Variants in TCEANC2 observed in about 807,000 individuals in gnomAD.
TCEANC2 encodes the protein transcription elongation factor A N-terminal and central domain-containing protein 2.
Under a neutral mutation model 22.8 loss-of-function variants are expected in TCEANC2, and 20 were observed. The ratio of observed to expected loss-of-function variants is 0.88; its 90% confidence interval spans 0.62 to 1.28. The LOEUF is 1.28. Ranked by LOEUF, TCEANC2 falls within the 50% of genes most tolerant of loss-of-function variation. The pLI is 0.00. For synonymous variants in TCEANC2, 84 were observed against 95.5 expected (o/e 0.88, Z 0.70); for missense variants, 251 against 249.7 (o/e 1.01, Z -0.03).
At chr1:54,088,547 CAGA>C (rs757033007) in intron 3 of TCEANC2, 47 bp from the exon 4 acceptor site, 7 of 1,497,396 alleles carry the variant, frequency 4.7e-6, no homozygotes, top group South Asian at 2.5e-5. Context: ...CTGCGCTTCT[CAGA>C]AGAAGATGTA....
chr1:54,088,567 T>C (rs1422017661), intron 3 of TCEANC2, 30 bp from the exon 4 acceptor site: 1 of 1,569,534 alleles, frequency 6.4e-7, no homozygotes, highest in Non-Finnish European at 8.6e-7. Context: ...TGTAACAACC[T>C]TTCCTTTGGT....
chr1:54,067,624 G>C (rs1285557978), intron 2 of TCEANC2, among the ~76,000 whole-genome samples: 3 of 152,206 alleles, frequency 2.0e-5, no homozygotes, highest in African/African-American at 7.2e-5. Flanking sequence ...GGATTGGAGA[G>C]GAAGAGAAGC....
exon 5 of TCEANC2, chr1:54,112,512 T>G (rs1364191672): frequency 6.6e-6 from 1 of 152,196 alleles, no homozygotes; most frequent in Admixed American, 6.5e-5. Flanking sequence ...AATAAAGGAA[T>G]TCTGCATATG....
chr1:54,082,973 G>A (rs541104152), intron 3 of TCEANC2, among the ~76,000 whole-genome samples: 2 of 152,326 alleles, frequency 1.3e-5, no homozygotes, highest in South Asian at 4.1e-4. Context: ...GAGAAGTGAT[G>A]AGAACCTGAA....
At chr1:54,076,870 G>A (rs1385015030) in intron 3 of TCEANC2, among the ~76,000 whole-genome samples, 3 of 152,156 alleles carry the variant, frequency 2.0e-5, no homozygotes, top group African/African-American at 7.2e-5. Context: ...TAAACAAATT[G>A]TGTAGTTATG....
At position 54,088,611 on chromosome 1, in the gene TCEANC2, A is replaced by G; in HGVS notation, c.259A>G (p.Lys87Glu). The G allele has an allele frequency of 6.2e-7, 1 of 1,601,928 alleles. No homozygotes were observed. Among genetic ancestry groups the G allele is most frequent in the Non-Finnish European group, 8.5e-7 (1 of 1,176,636 alleles). The change falls in exon 4 of 5, where the codon AAG becomes GAG. Residue 87 changes from lysine (K) to glutamate (E), a missense_variant. Coordinates refer to ENST00000234827, the MANE Select transcript of TCEANC2 (RefSeq NM_153035.3). ...TCCTGTTCCAGGTCACACTGTGAAC[A>G]AGATGCGTAAACACTCAGATTCAGA... is the stretch of plus-strand genomic sequence containing the variant. Reference protein sequence around the residue: ...KSTRIGHTVNKMRKHSDSEVA... With the variant: ...KSTRIGHTVNEMRKHSDSEVA...
At position 54,061,320 on chromosome 1, in the gene TCEANC2, C is replaced by T. The variant is rs182763973; in HGVS notation, c.102+6796C>T. 5.7e-3 allele frequency among the ~76,000 whole-genome samples: 872 copies of T among 152,290 alleles called. 7 individuals carry two copies. The highest frequency in any genetic ancestry group is 0.026 in the Admixed American group (393 of 15,298). Reference sequence around the variant, plus strand: ...AGTAACATCAGAAATAACAGTACCCCATCTGCATGATTATTATGAGAGTGA... The same window carrying T: ...AGTAACATCAGAAATAACAGTACCCTATCTGCATGATTATTATGAGAGTGA... On this transcript the variant is annotated intron_variant, in intron 2 of 4. Transcript: ENST00000234827.
chr1:54,096,411 C>A lies in TCEANC2; in HGVS notation c.565C>A (p.Arg189=), dbSNP rs777682264. ...VFTLKHRAEI[R]AQVKSGSLPV... Reference sequence around the variant, plus strand: ...CACATTAAAGCACCGAGCTGAAATCCGGGCTCAGGTGAAGAGCGGCTCGCT... The same window carrying A: ...CACATTAAAGCACCGAGCTGAAATCAGGGCTCAGGTGAAGAGCGGCTCGCT... Residue 189 remains arginine (R), a synonymous_variant, in exon 5 of 5, where the codon CGG becomes AGG. Transcript: ENST00000234827. The surrounding 1 kb of genome is among the most constrained non-coding windows in gnomAD (Gnocchi z 4.9). 6.2e-7 allele frequency: 1 copy of A among 1,613,504 alleles called. No homozygotes were observed. Among genetic ancestry groups the A allele is most frequent in the South Asian group, 1.1e-5 (1 of 91,076 alleles).
At chr1:54,106,487 G>A (rs1658756185), downstream of TCEANC2, among the ~76,000 whole-genome samples, 1 of 152,074 alleles carries the variant, frequency 6.6e-6, no homozygotes, top group South Asian at 2.1e-4. Flanking sequence ...AAATTACTGA[G>A]ACATTTTACA....
intron 3 of TCEANC2, among the ~76,000 whole-genome samples, chr1:54,082,822 C>G (rs1658270699): frequency 6.6e-6 from 1 of 152,090 alleles, no homozygotes. Flanking sequence ...CATGGAGAAC[C>G]ATCGGAGGAT....
intron 2 of TCEANC2, among the ~76,000 whole-genome samples, chr1:54,061,726 T>C (rs1241382133): frequency 6.6e-6 from 1 of 151,860 alleles, no homozygotes; most frequent in African/African-American, 2.4e-5. Context: ...GTTCATAGTC[T>C]GTCCCCTATA....
rs559100109 is a variant in TCEANC2, at chr1:54,103,958, G to A, written c.*7485G>A. On this transcript the variant is annotated 3_prime_UTR_variant, in exon 5 of 5. Coordinates refer to ENST00000234827, the MANE Select transcript of TCEANC2 (RefSeq NM_153035.3). ...TCCCATATGATTCCACAGCAAAGGA[G>A]GTGCAGCAGTGGGCACATGGTGACA... 6.6e-6 allele frequency: 1 copy of A among 152,312 alleles called. No homozygotes were observed. The highest frequency in any genetic ancestry group is 2.1e-4 in the South Asian group (1 of 4,824). 9.4% of individuals were successfully genotyped at this position (152,312 alleles called of 1,614,324 possible).
chr1:54,060,671 G>A (rs1452320137), intron 2 of TCEANC2, among the ~76,000 whole-genome samples: 1 of 152,074 alleles, frequency 6.6e-6, no homozygotes, highest in Non-Finnish European at 1.5e-5. Context: ...CTGGCGTGGT[G>A]GCTCACACCT....
intron 3 of TCEANC2, among the ~76,000 whole-genome samples, chr1:54,074,419 T>C (rs1456923250): frequency 6.6e-6 from 1 of 151,814 alleles, no homozygotes; most frequent in Admixed American, 6.6e-5. Context: ...GCCGAGATCA[T>C]GCCCCTGCAC....
In TCEANC2 at chr1:54,096,417, C is replaced by T; in HGVS notation, c.571C>T (p.Gln191Ter). The T allele has an allele frequency of 6.2e-7, 1 of 1,613,440 alleles. No homozygotes were observed. The highest frequency in any genetic ancestry group is 8.5e-7 in the Non-Finnish European group (1 of 1,179,360). Residue 191 changes from glutamine (Q) to a stop codon, truncating the protein, a stop_gained, in exon 5 of 5, where the codon CAG (glutamine) becomes TAG (stop). Transcript: ENST00000234827. LOFTEE classifies it high-confidence loss of function. This position sits in a 1 kb window ranked among gnomAD's most constrained non-coding sequence, Gnocchi z 4.9. ...AAAGCACCGAGCTGAAATCCGGGCT[C>T]AGGTGAAGAGCGGCTCGCTGCCAGT... is the stretch of plus-strand genomic sequence containing the variant. ...TLKHRAEIRA[Q>*]VKSGSLPVGT... is the part of the protein sequence containing the mutation.
chr1:54,063,986 A>C (rs1406032568), intron 2 of TCEANC2, among the ~76,000 whole-genome samples: 1 of 152,228 alleles, frequency 6.6e-6, no homozygotes, highest in Admixed American at 6.5e-5. Flanking sequence ...GAAAAAAATT[A>C]ATATAAAAAC....
At chr1:54,070,671 T>C (rs1658039726) in intron 3 of TCEANC2, among the ~76,000 whole-genome samples, 1 of 152,240 alleles carries the variant, frequency 6.6e-6, no homozygotes, top group South Asian at 2.1e-4. Flanking sequence ...TATAGTTACA[T>C]CAGTTGCTAT....
At position 54,054,378 on chromosome 1, in the gene TCEANC2, C is replaced by G. The variant is rs1195053373; in HGVS notation, c.-42-3C>G. 2 of 1,610,972 alleles carry G rather than the reference C, an allele frequency of 1.2e-6. No individual in the cohort carries two copies. Among genetic ancestry groups the G allele is most frequent in the East Asian group, 2.2e-5 (1 of 44,802 alleles). On this transcript the variant is annotated splice_polypyrimidine_tract_variant and splice_region_variant and intron_variant, in intron 1 of 4. Coordinates refer to ENST00000234827, the MANE Select transcript of TCEANC2 (RefSeq NM_153035.3). ...TTTAGAATCTGCCCTCTTTCTTGAC[C>G]AGAACACGCTGCAAGCACGTCAAGG...
At chr1:54,061,301 A>T (rs1446184289) in intron 2 of TCEANC2, among the ~76,000 whole-genome samples, 2 of 152,226 alleles carry the variant, frequency 1.3e-5, no homozygotes, top group African/African-American at 2.4e-5. Context: ...CATCAGTAAC[A>T]TCAGAAATAA....
Sources: allele counts gnomAD v4.1 joint callset (sites outside exome capture counted in the v4.1 genomes callset), GRCh38; gene constraint gnomAD v4.1.1; non-coding constraint Gnocchi (gnomAD v3.1); transcripts MANE v1.5; gene names NCBI Gene and HGNC (gene_info 2026-07-23, HGNC 2026-07-21).